Variants in SPICE1 observed in about 807,000 individuals in gnomAD.
SPICE1 encodes the protein spindle and centriole-associated protein 1.
A neutral mutation model predicts 102.7 loss-of-function variants in SPICE1; 75 were observed. That is an observed-to-expected ratio of 0.73 (90% CI 0.61 to 0.88). The LOEUF (loss-of-function observed/expected upper bound fraction) is 0.88. Ranked by LOEUF, SPICE1 falls within the 40% of genes least tolerant of loss-of-function variation. The probability of loss-of-function intolerance (pLI) is 0.00; values close to 1 mark genes in which losing one functional copy is unlikely to be tolerated. For missense variants in SPICE1, 979 were observed against 1,020.1 expected (o/e 0.96, Z 0.55); for synonymous variants, 308 against 350.3 (o/e 0.88, Z 1.35).
rs1935556934 is a variant in SPICE1 at position 113,448,038 on chromosome 3, C to T, written c.2426G>A (p.Arg809Lys). ...VSPVSGINTR[R>K]SSGATGNSCS... is the part of the protein sequence containing the mutation. Reference sequence around the variant, plus strand: ...AATAAATATTCACACTGCAACTTACCTTCTTGTATTTATCCCGCTGACGGG... The same window carrying T: ...AATAAATATTCACACTGCAACTTACTTTCTTGTATTTATCCCGCTGACGGG... Residue 809 changes from arginine to lysine, a missense_variant and splice_region_variant, in exon 16 of 18, where the codon AGA becomes AAA. By Grantham distance (26) the Arg-to-Lys change is conservative. Coordinates refer to ENST00000295872, the MANE Select transcript of SPICE1 (RefSeq NM_144718.4). 1.3e-6 allele frequency: 2 copies of T among 1,592,630 alleles called. No homozygotes were observed. Among genetic ancestry groups the T allele is most frequent in the South Asian group, 1.2e-5 (1 of 85,258 alleles).
chr3:113,457,336 T>C lies in SPICE1; in HGVS notation c.1457A>G (p.Asn486Ser), dbSNP rs576844065. ...TCTGAACATCAATGGCACTGAGACA[T>C]TGGCATTTACAACTGGACGCTCTGA... ...DSPERPVVNANVSVPLMFREE... is the reference protein window; with the variant it reads ...DSPERPVVNASVSVPLMFREE... The change falls in exon 13 of 18, where the codon AAT becomes AGT. Residue 486 changes from asparagine to serine, a missense_variant. Asn to Ser is a conservative substitution (Grantham distance 46). Coordinates refer to ENST00000295872, the MANE Select transcript of SPICE1 (RefSeq NM_144718.4). 3 of 1,614,174 alleles carry C rather than the reference T, an allele frequency of 1.9e-6. No homozygotes were observed. The highest frequency in any genetic ancestry group is 2.2e-5 in the South Asian group (2 of 91,088).
chr3:113,503,252 T>TA (rs371203329), intron 2 of SPICE1, 25 bp from the exon 3 acceptor site: 58,761 of 1,208,366 alleles, frequency 0.049, 4 homozygotes, highest in Non-Finnish European at 0.052. Context: ...GGCCTTTCTT[T>TA]AAAAAAAAAA....
At chr3:113,448,220 C>A (rs1935563640) in intron 15 of SPICE1, 80 bp from the exon 16 acceptor site, 1 of 1,242,802 alleles carries the variant, frequency 8.0e-7, no homozygotes, top group Non-Finnish European at 1.1e-6. Flanking sequence ...TTACTGCAAA[C>A]TGCACATTAA....
Position 113,460,624 on chromosome 3 carries a change from G to A in SPICE1, c.1428C>T (p.Asp476=), listed in dbSNP as rs1177404850. 1.9e-6 allele frequency: 3 copies of A among 1,611,484 alleles called. No individual in the cohort carries two copies. The Admixed American group carries it at 5.0e-5, about 27-fold the overall frequency. ...ESGATGRRVM[D]SPERPVVNAN... ...GAGTAAGACCACACTCACCTGGACT[G>A]TCCATAACTCTTCTACCTGTGGCTC... Residue 476 remains aspartate (D), a synonymous_variant, in exon 12 of 18, where the codon GAC becomes GAT. Transcript: ENST00000295872.
chr3:113,512,405 C>CTTTTTT (rs34015506), intron 1 of SPICE1, among the ~76,000 whole-genome samples: 54 of 104,374 alleles, frequency 5.2e-4, no homozygotes, highest in East Asian at 8.8e-4. Flanking sequence ...GAAAAGCTTT[C>CTTTTTT]TTTTTTTTTT....
chr3:113,501,014 T>C (rs548992693), intron 3 of SPICE1, among the ~76,000 whole-genome samples: 1 of 152,302 alleles, frequency 6.6e-6, no homozygotes, highest in Middle Eastern at 3.4e-3. Context: ...TCAAACTTAC[T>C]ATAAAACGAC....
chr3:113,488,032 A>T (rs1299304952), intron 7 of SPICE1, among the ~76,000 whole-genome samples: 2 of 152,308 alleles, frequency 1.3e-5, no homozygotes, highest in South Asian at 2.1e-4. Flanking sequence ...GGTTTTTTTT[A>T]AAAATGAAAA....
At position 113,468,825 on chromosome 3, in the gene SPICE1, C is replaced by T; in HGVS notation, c.826G>A (p.Asp276Asn). Residue 276 changes from aspartate (D) to asparagine (N), a missense_variant, in exon 9 of 18, where the codon GAC becomes AAC. Asp to Asn is a conservative substitution (Grantham distance 23). Coordinates refer to ENST00000295872, the MANE Select transcript of SPICE1 (RefSeq NM_144718.4). ...LQPEESTETL[D>N]SSYVVGHVLN... ...ACGTGTCCCACAACGTAGCTTGAGT[C>T]TAGAGTCTCAGTAGATTCTTCAGGC... 1 of 1,614,138 alleles carries T rather than the reference C, an allele frequency of 6.2e-7. No homozygotes were observed. Among genetic ancestry groups the T allele is most frequent in the Non-Finnish European group, 8.5e-7 (1 of 1,180,014 alleles).
At chr3:113,492,872 C>T (rs1377912132) in intron 6 of SPICE1, among the ~76,000 whole-genome samples, 1 of 152,184 alleles carries the variant, frequency 6.6e-6, no homozygotes, top group East Asian at 1.9e-4. Flanking sequence ...TGTTGAGCCA[C>T]ATGGCCTAGA....
intron 4 of SPICE1, among the ~76,000 whole-genome samples, chr3:113,497,775 A>G (rs1936927753): frequency 1.4e-5 from 2 of 147,022 alleles, no homozygotes; most frequent in Admixed American, 6.9e-5. Context: ...GCAGTGGCAC[A>G]ATCTCAGCTC....
chr3:113,496,182 C>A (rs1392539108), intron 4 of SPICE1, among the ~76,000 whole-genome samples: 10 of 151,642 alleles, frequency 6.6e-5, no homozygotes, highest in Admixed American at 6.6e-4. Context: ...GACTGGAAAC[C>A]CCTGTTTAGT....
At chr3:113,460,871 A>G (rs1446406376) in intron 11 of SPICE1, 107 bp from the exon 12 acceptor site, 2 of 978,784 alleles carry the variant, frequency 2.0e-6, no homozygotes, top group Admixed American at 5.6e-5. Context: ...TCATATCAAT[A>G]CATATCAAAG....
chr3:113,453,346 A>G (rs1379557684), intron 14 of SPICE1, 120 bp downstream of exon 14: 3 of 1,229,338 alleles, frequency 2.4e-6, no homozygotes, highest in African/African-American at 1.5e-5. Flanking sequence ...GCCAAACATA[A>G]GCCATCTAGC....
At chr3:113,484,985 A>G (rs532264065) in intron 7 of SPICE1, among the ~76,000 whole-genome samples, 9 of 152,120 alleles carry the variant, frequency 5.9e-5, no homozygotes, top group African/African-American at 9.6e-5. Flanking sequence ...CCCCTACCCA[A>G]GGGAATCCAG....
At chr3:113,454,819 C>T (rs192243205) in intron 13 of SPICE1, among the ~76,000 whole-genome samples, 13 of 152,076 alleles carry the variant, frequency 8.5e-5, no homozygotes, top group Non-Finnish European at 1.6e-4. Context: ...CCTTAAAAAG[C>T]CAGGAAGGAA....
chr3:113,459,477 C>T (rs1406381689), intron 12 of SPICE1: 2 of 978,666 alleles, frequency 2.0e-6, no homozygotes, highest in Non-Finnish European at 2.4e-6. Context: ...AATAATTCTA[C>T]AATATATTTA....
At position 113,460,031 on chromosome 3, in the gene SPICE1, T is replaced by C. The variant is rs1269833676; in HGVS notation, c.1435+586A>G. 18 of 985,314 alleles carry C rather than the reference T, an allele frequency of 1.8e-5. No individual in the cohort carries two copies. The Admixed American group carries it at 1.0e-3, about 57-fold the overall frequency. 61.0% of individuals were successfully genotyped at this position (985,314 alleles called of 1,614,324 possible). A position where few individuals can be genotyped will look rare whatever the true frequency, so the allele number is the denominator to read the frequency against. ...ACGGTTTTAAATACATAAAACACTT[T>C]TCTTACAGATACTCATCAAAGTCTT... On this transcript the variant is annotated intron_variant, in intron 12 of 17. Transcript: ENST00000295872.
At chr3:113,485,581 G>A (rs761946722) in intron 7 of SPICE1, among the ~76,000 whole-genome samples, 26 of 152,132 alleles carry the variant, frequency 1.7e-4, no homozygotes, top group Non-Finnish European at 3.5e-4. Context: ...GCCCCAGTCA[G>A]GGACTTATAA....
intron 10 of SPICE1, among the ~76,000 whole-genome samples, chr3:113,466,985 G>A (rs1936073234): frequency 6.6e-6 from 1 of 152,048 alleles, no homozygotes; most frequent in African/African-American, 2.4e-5. Context: ...GGAGGTGGAG[G>A]TTGCAGTGAG....
Sources: allele counts gnomAD v4.1 joint callset (sites outside exome capture counted in the v4.1 genomes callset), GRCh38; gene constraint gnomAD v4.1.1; transcripts MANE v1.5; gene names NCBI Gene and HGNC (gene_info 2026-07-23, HGNC 2026-07-21).